Variants in INPP4B observed in about 807,000 individuals in gnomAD.
The protein encoded by INPP4B is inositol polyphosphate-4-phosphatase type II B.
INPP4B carries 55 observed loss-of-function variants against 122.5 expected under a neutral mutation model. The observed-to-expected ratio is 0.45, with a 90% CI of 0.36 to 0.56. The LOEUF (loss-of-function observed/expected upper bound fraction) is 0.56, where lower values mean the gene tolerates loss of function less well. Ranked by LOEUF, INPP4B falls within the 20% of genes least tolerant of loss-of-function variation. The pLI, the probability that INPP4B is intolerant of heterozygous loss-of-function variation, is 0.00. For synonymous variants in INPP4B, 403 were observed against 388.7 expected (o/e 1.04, Z -0.43); for missense variants, 1,000 against 1,097.7 (o/e 0.91, Z 1.26).
At chr4:142,632,708 A>G (rs986728609) in intron 2 of INPP4B, among the ~76,000 whole-genome samples, 2 of 152,054 alleles carry the variant, frequency 1.3e-5, no homozygotes, top group Non-Finnish European at 2.9e-5. Flanking sequence ...AAATTGAGTT[A>G]AAATGTTCAA....
At chr4:142,555,732 G>T (rs1034453795) in intron 2 of INPP4B, among the ~76,000 whole-genome samples, 2 of 151,902 alleles carry the variant, frequency 1.3e-5, no homozygotes, top group African/African-American at 2.4e-5. Flanking sequence ...TTAGCCGGGC[G>T]TGGTAGTGGG....
At chr4:142,629,210 G>GCAAT (rs1246785223) in intron 2 of INPP4B, among the ~76,000 whole-genome samples, 1 of 151,996 alleles carries the variant, frequency 6.6e-6, no homozygotes, top group African/African-American at 2.4e-5. Context: ...CAGGGAACTG[G>GCAAT]CAATCAATCA....
intron 5 of INPP4B, among the ~76,000 whole-genome samples, chr4:142,419,924 C>T (rs1277667412): frequency 1.3e-5 from 2 of 151,934 alleles, no homozygotes; most frequent in African/African-American, 2.4e-5. Context: ...TAAACAAAGC[C>T]CTGAGGTAGT....
At chr4:142,636,262 G>C (rs188752835) in intron 2 of INPP4B, among the ~76,000 whole-genome samples, 1 of 151,942 alleles carries the variant, frequency 6.6e-6, no homozygotes, top group Non-Finnish European at 1.5e-5. Context: ...ACCAAGTCTC[G>C]GGTATTTCTT....
chr4:142,048,347 T>G (rs552812160), intron 25 of INPP4B, among the ~76,000 whole-genome samples: 2 of 152,100 alleles, frequency 1.3e-5, no homozygotes, highest in African/African-American at 4.8e-5. Flanking sequence ...AATTGGAGAG[T>G]AATAGGTAGT....
intron 15 of INPP4B, among the ~76,000 whole-genome samples, chr4:142,191,951 T>C (rs1836017440): frequency 6.6e-6 from 1 of 152,154 alleles, no homozygotes; most frequent in African/African-American, 2.4e-5. Context: ...TATTCAATTC[T>C]AACCTCCTTT....
chr4:142,674,008 T>C (rs1580681297), intron 2 of INPP4B, among the ~76,000 whole-genome samples: 1 of 152,182 alleles, frequency 6.6e-6, no homozygotes, highest in East Asian at 1.9e-4. Context: ...AGATGGCAGA[T>C]GGGAGCTGCC....
chr4:142,728,735 A>G (rs1449797460), intron 1 of INPP4B, among the ~76,000 whole-genome samples: 2 of 152,178 alleles, frequency 1.3e-5, no homozygotes, highest in East Asian at 3.9e-4. Flanking sequence ...AAAGGCATCA[A>G]GCAGATTCTT....
chr4:142,800,688 AG>A (rs1309795990), intron 1 of INPP4B, among the ~76,000 whole-genome samples: 1 of 152,150 alleles, frequency 6.6e-6, no homozygotes, highest in East Asian at 1.9e-4. Context: ...AAAACACCAC[AG>A]GATGTTATAG....
intron 2 of INPP4B, among the ~76,000 whole-genome samples, chr4:142,571,183 C>T (rs1160940794): frequency 6.6e-6 from 1 of 151,652 alleles, no homozygotes; most frequent in Admixed American, 6.6e-5. Flanking sequence ...AGCTTCCAAT[C>T]CACCCAGCTC....
At chr4:142,716,496 C>T (rs1196395292) in intron 2 of INPP4B, among the ~76,000 whole-genome samples, 3 of 152,168 alleles carry the variant, frequency 2.0e-5, no homozygotes, top group African/African-American at 7.2e-5. Context: ...AACGGCAGAA[C>T]AAAAAATTAC....
chr4:142,593,825 A>G (rs1481695621), intron 2 of INPP4B, among the ~76,000 whole-genome samples: 1 of 151,644 alleles, frequency 6.6e-6, no homozygotes, highest in Non-Finnish European at 1.5e-5. Flanking sequence ...TCTATTTCCT[A>G]CTCCATAGTT....
chr4:142,770,245 T>C (rs1243316123), intron 1 of INPP4B, among the ~76,000 whole-genome samples: 2 of 152,210 alleles, frequency 1.3e-5, no homozygotes, highest in Non-Finnish European at 2.9e-5. Context: ...AAGTATTCCA[T>C]TGGTTGGAAG....
At position 142,260,478 on chromosome 4, in the gene INPP4B, A is replaced by G. The variant is rs1441235672; in HGVS notation, c.688+14T>C. Reference sequence around the variant, plus strand: ...TTTTGCATGAAACTAAGTATTTAAAACTGAGTTACATACCTGAATTCAAAA... The same window carrying G: ...TTTTGCATGAAACTAAGTATTTAAAGCTGAGTTACATACCTGAATTCAAAA... On this transcript the variant is annotated intron_variant, in intron 11 of 25. Coordinates refer to ENST00000262992, the MANE Select transcript of INPP4B (RefSeq NM_001101669.3). 1 of 1,525,308 alleles carries G rather than the reference A, an allele frequency of 6.6e-7. No individual in the cohort carries two copies. The highest frequency in any genetic ancestry group is 9.1e-7 in the Non-Finnish European group (1 of 1,103,906). 94.5% of individuals were successfully genotyped at this position (1,525,308 alleles called of 1,614,324 possible). A position where few individuals can be genotyped will look rare whatever the true frequency, so the allele number is the denominator to read the frequency against.
chr4:142,687,893 C>T (rs1273715602), intron 2 of INPP4B, among the ~76,000 whole-genome samples: 5 of 152,072 alleles, frequency 3.3e-5, no homozygotes, highest in East Asian at 1.9e-4. Context: ...CAACAATGCT[C>T]GTGTGTTTCT....
At chr4:142,257,652 T>C (rs1384831959) in intron 11 of INPP4B, among the ~76,000 whole-genome samples, 1 of 152,192 alleles carries the variant, frequency 6.6e-6, no homozygotes, top group Non-Finnish European at 1.5e-5. Flanking sequence ...TTACAAGGGA[T>C]GTGAAGGATT....
chr4:142,654,076 T>C (rs1215773694), intron 2 of INPP4B, among the ~76,000 whole-genome samples: 2 of 152,084 alleles, frequency 1.3e-5, no homozygotes, highest in African/African-American at 4.8e-5. Flanking sequence ...TGTAGGGACA[T>C]GGATGAAGCT....
intron 2 of INPP4B, among the ~76,000 whole-genome samples, chr4:142,702,450 C>A (rs1036757030): frequency 6.6e-6 from 1 of 152,072 alleles, no homozygotes; most frequent in African/African-American, 2.4e-5. Flanking sequence ...CGAGGCCAGG[C>A]GCGGTGGCTC....
In INPP4B at chr4:142,773,940, C is replaced by T. The variant is rs77594117; in HGVS notation, c.-253-48039G>A. Among the ~76,000 whole-genome samples, 839 of 151,676 alleles carry T rather than the reference C, an allele frequency of 5.5e-3. 2 individuals carry two copies. Among genetic ancestry groups the T allele is most frequent in the Non-Finnish European group, 8.0e-3 (544 of 67,998 alleles). On this transcript the variant is annotated intron_variant, in intron 1 of 25. Coordinates refer to ENST00000262992, the MANE Select transcript of INPP4B (RefSeq NM_001101669.3). The stretch of plus-strand genomic sequence containing the variant: ...CCTATTCACTGGAATTGGCCTCAAG[C>T]ATCATTTTACCAGATAGTATTTAAA...
Sources: gnomAD v4.1 joint callset for allele counts (sites outside exome capture counted in the v4.1 genomes callset) on GRCh38, gnomAD v4.1.1 for gene constraint, MANE v1.5 for transcripts, NCBI Gene and HGNC (gene_info 2026-07-23, HGNC 2026-07-21) for gene names.